Variants in CSMD2 observed in about 807,000 individuals in gnomAD.
The protein encoded by CSMD2 is CUB and Sushi multiple domains 2, also known as CUB and sushi domain-containing protein 2.
CSMD2 carries 130 observed loss-of-function variants against 398.5 expected under a neutral mutation model. The ratio of observed to expected loss-of-function variants is 0.33; its 90% CI spans 0.28 to 0.38. The LOEUF is 0.38. Among genes scored for constraint, CSMD2 ranks in the 10% least tolerant of loss-of-function variants. CSMD2 has a pLI of 1.00. For missense variants in CSMD2, 3,829 were observed against 4,764.9 expected (o/e 0.80, Z 5.78); for synonymous variants, 1,828 against 1,908.5 (o/e 0.96, Z 1.10).
At chr1:34,128,410 G>C (rs1194754451) in intron 1 of CSMD2, among the ~76,000 whole-genome samples, 1 of 152,212 alleles carries the variant, frequency 6.6e-6, no homozygotes, top group Admixed American at 6.5e-5. Context: ...GCTCGGGTCT[G>C]AGGGTGTGTC....
intron 2 of CSMD2, among the ~76,000 whole-genome samples, chr1:34,086,706 G>C (rs1026057647): frequency 2.0e-5 from 3 of 152,118 alleles, no homozygotes; most frequent in African/African-American, 7.2e-5. Flanking sequence ...TCTCTGCCCT[G>C]AACAGCAGCC....
intron 37 of CSMD2, among the ~76,000 whole-genome samples, chr1:33,621,679 T>C (rs1255649341): frequency 6.6e-6 from 1 of 152,134 alleles, no homozygotes; most frequent in Admixed American, 6.5e-5. Flanking sequence ...CACAAATCTT[T>C]CTCTGTGAAG....
At chr1:33,928,791 T>C (rs1023774272) in intron 4 of CSMD2, among the ~76,000 whole-genome samples, 3 of 152,214 alleles carry the variant, frequency 2.0e-5, no homozygotes, top group African/African-American at 7.2e-5. Context: ...TCAGAATCAC[T>C]CAAGGTGCAC....
chr1:33,791,292 A>C (rs1403359828), intron 11 of CSMD2, among the ~76,000 whole-genome samples: 2 of 152,158 alleles, frequency 1.3e-5, no homozygotes, highest in Admixed American at 1.3e-4. Context: ...CAGTCTCCCC[A>C]TCTGTTAAAA....
chr1:34,139,274 TAAG>T (rs1400128166), intron 1 of CSMD2, among the ~76,000 whole-genome samples: 4 of 152,210 alleles, frequency 2.6e-5, no homozygotes, highest in East Asian at 1.9e-4. Context: ...GGTGGCTTTG[TAAG>T]AAGAAGAAGA....
At chr1:33,824,608 C>G (rs1462464045) in intron 7 of CSMD2, among the ~76,000 whole-genome samples, 2 of 152,060 alleles carry the variant, frequency 1.3e-5, no homozygotes, top group Admixed American at 1.3e-4. Flanking sequence ...ACTCTATGCC[C>G]TTCTCTCCTC....
At chr1:33,735,546 C>G (rs952878211) in intron 15 of CSMD2, among the ~76,000 whole-genome samples, 1 of 152,118 alleles carries the variant, frequency 6.6e-6, no homozygotes, top group African/African-American at 2.4e-5. Context: ...CATTCACTTC[C>G]GTATTGTCTA....
At chr1:33,549,667 G>A (rs1657245427) in intron 56 of CSMD2, among the ~76,000 whole-genome samples, 1 of 152,202 alleles carries the variant, frequency 6.6e-6, no homozygotes, top group Admixed American at 6.5e-5. Flanking sequence ...TACCCCACTA[G>A]GTAGCCAGGA....
chr1:33,761,503 A>G (rs747613985), intron 13 of CSMD2, among the ~76,000 whole-genome samples: 10 of 152,240 alleles, frequency 6.6e-5, no homozygotes, highest in South Asian at 2.1e-4. Context: ...CAAGAGCTCA[A>G]GCCTTCCCAT....
chr1:33,568,727 G>A (rs1659302414), intron 52 of CSMD2, among the ~76,000 whole-genome samples: 1 of 152,116 alleles, frequency 6.6e-6, no homozygotes, highest in South Asian at 2.1e-4. Context: ...GAAATAACCT[G>A]TGACTGTGTC....
At chr1:33,652,811 GTAGCGCGATCTCGGCTCACT>G (rs1437637652) in intron 27 of CSMD2, among the ~76,000 whole-genome samples, 8 of 152,230 alleles carry the variant, frequency 5.3e-5, no homozygotes, top group Non-Finnish European at 1.2e-4. Context: ...CTGGATTGCA[GTAGCGCGATCTCGGCTCACT>G]GCAAGCTCCG....
intron 27 of CSMD2, among the ~76,000 whole-genome samples, chr1:33,657,518 G>A (rs556146564): frequency 3.3e-5 from 5 of 152,308 alleles, no homozygotes; most frequent in Admixed American, 2.6e-4. Flanking sequence ...TAATTTCCTT[G>A]AGAACAGCAA....
intron 51 of CSMD2, among the ~76,000 whole-genome samples, chr1:33,570,792 G>A (rs1659526011): frequency 2.0e-5 from 3 of 152,148 alleles, no homozygotes; most frequent in South Asian, 4.2e-4. Context: ...GCTGGTCAGT[G>A]TGGCAGTATA....
At chr1:34,017,259 T>A (rs1286658646) in intron 3 of CSMD2, among the ~76,000 whole-genome samples, 1 of 152,228 alleles carries the variant, frequency 6.6e-6, no homozygotes, top group African/African-American at 2.4e-5. Context: ...CACCTACTTT[T>A]AACATCTTTC....
intron 1 of CSMD2, among the ~76,000 whole-genome samples, chr1:34,132,601 G>A (rs1204315437): frequency 6.6e-6 from 1 of 152,202 alleles, no homozygotes; most frequent in Non-Finnish European, 1.5e-5. Flanking sequence ...GGAATCAGGA[G>A]ACTAAATAAA....
At chr1:33,952,874 C>G (rs1645052145) in intron 3 of CSMD2, among the ~76,000 whole-genome samples, 1 of 152,204 alleles carries the variant, frequency 6.6e-6, no homozygotes, top group African/African-American at 2.4e-5. Flanking sequence ...GGATGGATGA[C>G]AACCTCAATG....
At chr1:33,885,128 GT>G (rs1641500263) in intron 5 of CSMD2, 1 of 152,038 alleles carries the variant, frequency 6.6e-6, no homozygotes, top group Admixed American at 6.6e-5. Context: ...AGACCAGAGA[GT>G]TTAAGTAGCT....
intron 24 of CSMD2, among the ~76,000 whole-genome samples, chr1:33,694,067 T>C (rs931591792): frequency 2.0e-4 from 31 of 151,442 alleles, no homozygotes; most frequent in African/African-American, 6.8e-4. Context: ...CTCAAAACAA[T>C]AACAACAACA....
In CSMD2 at chr1:33,557,724, A is replaced by G. The variant is rs1365262097; in HGVS notation, c.8743+10T>C. ...CCATCAGTCATTTTGAGCAGGTGAC[A>G]TCTACTTACAGAGACACTGGGGGCG... On this transcript the variant is annotated intron_variant, in intron 55 of 70. Coordinates refer to ENST00000373381, the MANE Select transcript of CSMD2 (RefSeq NM_001281956.2). 2.6e-6 allele frequency: 4 copies of G among 1,535,026 alleles called. No individual in the cohort carries two copies. The highest frequency in any genetic ancestry group is 3.5e-6 in the Non-Finnish European group (4 of 1,146,410).
Sources: gnomAD v4.1 joint callset for allele counts (sites outside exome capture counted in the v4.1 genomes callset) on GRCh38, gnomAD v4.1.1 for gene constraint, MANE v1.5 for transcripts, NCBI Gene and HGNC (gene_info 2026-07-23, HGNC 2026-07-21) for gene names.